MYO3B: variants seen among roughly 807,000 people sequenced by gnomAD.
MYO3B encodes the protein myosin-IIIb.
MYO3B carries 156 observed loss-of-function variants against 174.6 expected under a neutral mutation model. The ratio of observed to expected loss-of-function variants is 0.89; its 90% confidence interval spans 0.78 to 1.02. MYO3B has a LOEUF of 1.02. Ranked by LOEUF, MYO3B falls within the 50% of genes least tolerant of loss-of-function variation. MYO3B has a pLI of 0.00. For synonymous variants in MYO3B, 563 were observed against 569.1 expected, an observed-to-expected ratio of 0.99 and a Z score of 0.15; for missense variants, 1,632 against 1,639.4, an observed-to-expected ratio of 1.00 and a Z score of 0.08.
intron 23 of MYO3B, among the ~76,000 whole-genome samples, chr2:170,449,459 C>A (rs892041044): frequency 2.6e-5 from 4 of 152,086 alleles, no homozygotes; most frequent in Non-Finnish European, 5.9e-5. Flanking sequence ...TACTCAATTG[C>A]TAAATGTTCT....
intron 9 of MYO3B, among the ~76,000 whole-genome samples, chr2:170,379,355 T>C (rs1182102335): frequency 6.6e-6 from 1 of 152,106 alleles, no homozygotes; most frequent in Non-Finnish European, 1.5e-5. Context: ...CCACCACGCC[T>C]AGCTAATTTT....
intron 7 of MYO3B, 134 bp from the exon 8 acceptor site, chr2:170,335,251 T>TA (rs2093939201): frequency 7.2e-6 from 5 of 695,206 alleles, no homozygotes. Context: ...AATCTACCAC[T>TA]AAAAAATGAC....
intron 29 of MYO3B, among the ~76,000 whole-genome samples, chr2:170,518,558 C>T (rs1441626720): frequency 1.3e-5 from 2 of 152,096 alleles, no homozygotes; most frequent in Non-Finnish European, 2.9e-5. Flanking sequence ...AGGGGCTGGT[C>T]CTAGGCATGT....
Position 170,366,482 on chromosome 2 carries a change from T to C in MYO3B, c.816-2740T>C, listed in dbSNP as rs372388645. Among the ~76,000 whole-genome samples the C allele has an allele frequency of 6.4e-4, 98 of 151,952 alleles. 1 individual carries two copies. Among genetic ancestry groups the C allele is most frequent in the East Asian group, 2.7e-3 (14 of 5,146 alleles). On this transcript the variant is annotated intron_variant, in intron 8 of 34. Transcript: ENST00000408978. ...ATTTTTAAATTATTTTTAGTAGAGA[T>C]GAGGTCTCACTATGTTGCTCAGGCT...
chr2:170,618,960 T>C (rs944756113), intron 32 of MYO3B, among the ~76,000 whole-genome samples: 9 of 152,194 alleles, frequency 5.9e-5, no homozygotes, highest in African/African-American at 9.7e-5. Flanking sequence ...CCATAACCTA[T>C]GATTAGCAAG....
chr2:170,538,966 A>C (rs749523649), intron 30 of MYO3B, among the ~76,000 whole-genome samples: 4 of 152,182 alleles, frequency 2.6e-5, no homozygotes, highest in Non-Finnish European at 5.9e-5. Flanking sequence ...CTGTGGATTC[A>C]GAAAACAATA....
At chr2:170,316,614 G>A (rs372247538) in intron 7 of MYO3B, among the ~76,000 whole-genome samples, 1 of 152,174 alleles carries the variant, frequency 6.6e-6, no homozygotes, top group Non-Finnish European at 1.5e-5. Context: ...ACTTCCTGAT[G>A]TGTGAACAAA....
At chr2:170,358,909 C>T (rs754961757) in intron 8 of MYO3B, among the ~76,000 whole-genome samples, 7 of 152,138 alleles carry the variant, frequency 4.6e-5, no homozygotes, top group African/African-American at 9.7e-5. Context: ...GTTCTATTTT[C>T]GCTTCTCCTT....
At chr2:170,535,804 A>C (rs923765258) in intron 30 of MYO3B, among the ~76,000 whole-genome samples, 1 of 152,160 alleles carries the variant, frequency 6.6e-6, no homozygotes, top group African/African-American at 2.4e-5. Context: ...CACAAATTCC[A>C]CCTGAGCTCA....
chr2:170,337,344 A>T (rs1429935178), intron 8 of MYO3B, among the ~76,000 whole-genome samples: 1 of 152,146 alleles, frequency 6.6e-6, no homozygotes, highest in African/African-American at 2.4e-5. Flanking sequence ...CCACACACAG[A>T]TACCCTTGAT....
chr2:170,591,551 G>A (rs1693819184), intron 32 of MYO3B, among the ~76,000 whole-genome samples: 1 of 151,868 alleles, frequency 6.6e-6, no homozygotes, highest in Non-Finnish European at 1.5e-5. Context: ...GTCTAGTGTA[G>A]AAAGGGAGGG....
chr2:170,197,487 T>G (rs1366420305), intron 1 of MYO3B, among the ~76,000 whole-genome samples: 1 of 152,242 alleles, frequency 6.6e-6, no homozygotes, highest in African/African-American at 2.4e-5. Context: ...TCTCTCATTT[T>G]CACTGAATGC....
chr2:170,460,444 C>T (rs369682036), intron 23 of MYO3B, among the ~76,000 whole-genome samples: 19 of 133,226 alleles, frequency 1.4e-4, no homozygotes, highest in African/African-American at 4.7e-4. Flanking sequence ...GCTGAGATTG[C>T]GCCATTGCAC....
rs10185178 is a variant in MYO3B, at chr2:170,499,764, G to A, written c.3245G>A (p.Arg1082Lys). The A allele has an allele frequency of 0.98, 1,587,908 of 1,613,976 alleles. 783,721 individuals carry two copies. The highest frequency in any genetic ancestry group is 1 in the Non-Finnish European group (1,178,709 of 1,179,974). Reference sequence around the variant, plus strand: ...TGGCTTGGAGCCAGGAGATACAAAAGGGTCAGAGAGAAGAGAGAGAAGGGA... The same window carrying A: ...TGGCTTGGAGCCAGGAGATACAAAAAGGTCAGAGAGAAGAGAGAGAAGGGA... ...KGWLGARRYK[R>K]VREKREKGAI... The change falls in exon 27 of 35, where the codon AGG becomes AAG. Residue 1082 changes from arginine to lysine, a missense_variant. By Grantham distance (26) the Arg-to-Lys change is conservative. Coordinates refer to ENST00000408978, the MANE Select transcript of MYO3B (RefSeq NM_138995.5).
intron 6 of MYO3B, among the ~76,000 whole-genome samples, chr2:170,217,902 A>G (rs2092848771): frequency 2.0e-5 from 3 of 152,218 alleles, no homozygotes; most frequent in Non-Finnish European, 4.4e-5. Context: ...TAGGTTTGGC[A>G]TCATCACAGA....
intron 7 of MYO3B, among the ~76,000 whole-genome samples, chr2:170,324,408 C>T (rs891569526): frequency 6.6e-6 from 1 of 152,220 alleles, no homozygotes; most frequent in Non-Finnish European, 1.5e-5. Flanking sequence ...TCATGCCCAT[C>T]ACAAGACATG....
intron 22 of MYO3B, among the ~76,000 whole-genome samples, chr2:170,434,953 T>G (rs563560012): frequency 7.0e-4 from 106 of 152,350 alleles, no homozygotes; most frequent in Middle Eastern, 3.4e-3. Context: ...GCCACTGTAC[T>G]TAGCTACTAT....
rs186781576 is a variant in MYO3B, at chr2:170,511,150, C to A, written c.3371-3771C>A. On this transcript the variant is annotated intron_variant, in intron 28 of 34. Coordinates refer to ENST00000408978, the MANE Select transcript of MYO3B (RefSeq NM_138995.5). ...TCTCAGCTCACTGCAAACTCCGCCT[C>A]CCAGGTTCATGCCATTCTCCTGCCT... Among the ~76,000 whole-genome samples, 57 of 151,476 alleles carry A rather than the reference C, an allele frequency of 3.8e-4. 1 individual carries two copies. Among genetic ancestry groups the A allele is most frequent in the African/African-American group, 1.3e-3 (55 of 41,268 alleles).
At chr2:170,265,762 C>T (rs1322761374) in intron 7 of MYO3B, among the ~76,000 whole-genome samples, 7 of 152,132 alleles carry the variant, frequency 4.6e-5, no homozygotes, top group Non-Finnish European at 1.0e-4. Flanking sequence ...TTCTCCTTTT[C>T]TCTAGTTATG....
Sources: allele counts gnomAD v4.1 joint callset (sites outside exome capture counted in the v4.1 genomes callset), GRCh38; gene constraint gnomAD v4.1.1; transcripts MANE v1.5; gene names NCBI Gene and HGNC (gene_info 2026-07-23, HGNC 2026-07-21).